The following AP1S2 variants were observed in gnomAD, a reference collection of about 807,000 sequenced individuals.
AP1S2 encodes the protein AP-1 complex subunit sigma-2.
Under a neutral mutation model 14.3 loss-of-function variants are expected in AP1S2, and 1 was observed. The ratio of observed to expected loss-of-function variants is 0.07; its 90% confidence interval spans 0.02 to 0.33. The LOEUF is 0.33. Among genes scored for constraint, AP1S2 ranks in the 10% least tolerant of loss-of-function variants. The pLI is 0.99. For missense variants in AP1S2, 30 were observed against 117.7 expected, an observed-to-expected ratio of 0.25 and a Z score of 3.45; for synonymous variants, 30 against 40.5, an observed-to-expected ratio of 0.74 and a Z score of 0.99.
chrX:15,831,658 A>G lies in AP1S2; in HGVS notation c.427-3458T>C, dbSNP rs754627019. On this transcript the variant is annotated intron_variant, in intron 4 of 5. Transcript: ENST00000672987. ...CTAGAACATTTAGCTCACAGTAAAG[A>G]TAACTAAAACTTAAGTTTCTGTTTG... 21 of 774,113 alleles carry G rather than the reference A, an allele frequency of 2.7e-5. No homozygotes were observed. In the African/African-American group the frequency reaches 3.2e-4, roughly 12 times the overall value. 63.8% of individuals were successfully genotyped at this position (774,113 alleles called of 1,213,427 possible).
intron 2 of AP1S2, among the ~76,000 whole-genome samples, chrX:15,847,492 C>T (rs1003810953): frequency 6.3e-5 from 7 of 111,534 alleles, no homozygotes; most frequent in Admixed American, 2.9e-4. Flanking sequence ...CTTCCACACT[C>T]AGTAAGTTAT....
intron 2 of AP1S2, among the ~76,000 whole-genome samples, chrX:15,846,809 A>C (rs764711579): frequency 1.7e-4 from 19 of 112,048 alleles, no homozygotes; most frequent in Admixed American, 4.7e-4. Context: ...ACACTGTTGA[A>C]CTGAAGTGTA....
intron 2 of AP1S2, among the ~76,000 whole-genome samples, chrX:15,851,830 T>C (rs1934188160): frequency 8.9e-6 from 1 of 112,100 alleles, no homozygotes; most frequent in South Asian, 3.6e-4. Context: ...TACAAACACA[T>C]CTCATGTATA....
At chrX:15,840,774 G>A (rs1933806236) in intron 4 of AP1S2, among the ~76,000 whole-genome samples, 1 of 112,120 alleles carries the variant, frequency 8.9e-6, no homozygotes, top group Admixed American at 9.4e-5. Context: ...AGTATTCCAA[G>A]TATTGCAAAG....
intron 4 of AP1S2, among the ~76,000 whole-genome samples, chrX:15,836,252 C>T (rs1375031805): frequency 8.9e-6 from 1 of 111,961 alleles, no homozygotes; most frequent in East Asian, 2.8e-4. Flanking sequence ...CATAACCAAA[C>T]TAATCCTCCA....
intron 2 of AP1S2, among the ~76,000 whole-genome samples, chrX:15,851,356 C>A (rs989440593): frequency 2.7e-5 from 3 of 112,011 alleles, no homozygotes; most frequent in Non-Finnish European, 5.6e-5. Context: ...ACAAAATATC[C>A]AACCCATATT....
chrX:15,830,580 A>T (rs1933403335), intron 4 of AP1S2: 1 of 649,588 alleles, frequency 1.5e-6, no homozygotes, highest in African/African-American at 2.5e-5. Context: ...TTTATAAAAA[A>T]ATATGCTGCA....
intron 1 of AP1S2, among the ~76,000 whole-genome samples, chrX:15,853,055 T>C (rs931225340): frequency 8.9e-6 from 1 of 112,313 alleles, no homozygotes; most frequent in African/African-American, 3.2e-5. Context: ...CAAAACAGAA[T>C]GATCCAAAAT....
At position 15,846,423 on chromosome X, in the gene AP1S2, G is replaced by C. The variant is rs190283275; in HGVS notation, c.180-412C>G. On this transcript the variant is annotated intron_variant, in intron 2 of 5. Coordinates refer to ENST00000672987, the MANE Select transcript of AP1S2 (RefSeq NM_001272071.2). ...AGGACTTGTTGAGGATAATGCCAAG[G>C]TGAGGTCAATATTTTGGGATATTTT... Among the ~76,000 whole-genome samples, 20 of 111,756 alleles carry C rather than the reference G, an allele frequency of 1.8e-4. No homozygotes were observed. In the South Asian group the frequency reaches 2.2e-3, roughly 12 times the overall value.
In AP1S2 at chrX:15,826,254, A is replaced by G. The variant is rs1347988254; in HGVS notation, c.*1071T>C. 8.9e-6 allele frequency: 1 copy of G among 112,480 alleles called. No homozygotes were observed. The highest frequency in any genetic ancestry group is 3.2e-5 in the African/African-American group (1 of 30,981). The allele number at this position is 112,480 out of a possible 1,213,427, so 9.3% of individuals were successfully genotyped here. On this transcript the variant is annotated 3_prime_UTR_variant, in exon 6 of 6. Transcript: ENST00000672987. The stretch of plus-strand genomic sequence containing the variant: ...TAGAAAAGTGACGCTGAACAATTAC[A>G]TAGCTTTAAAAAATATAGAGCCATC...
intron 4 of AP1S2, among the ~76,000 whole-genome samples, chrX:15,841,455 T>C (rs1933829130): frequency 9.0e-6 from 1 of 111,287 alleles, no homozygotes; most frequent in Non-Finnish European, 1.9e-5. Context: ...AATTGACCAA[T>C]TAGGACTTCT....
At chrX:15,849,725 T>C (rs1280500482) in intron 2 of AP1S2, among the ~76,000 whole-genome samples, 2 of 111,590 alleles carry the variant, frequency 1.8e-5, no homozygotes, top group African/African-American at 6.5e-5. Context: ...ATTCCTGGGA[T>C]TGAATCCCTT....
intron 4 of AP1S2, among the ~76,000 whole-genome samples, chrX:15,834,481 A>ATATATATATATATATATATATATAAT (rs1569080380): frequency 7.7e-5 from 1 of 13,012 alleles, no homozygotes; most frequent in African/African-American, 4.1e-4. Flanking sequence ...TATATATATA[A>ATATATATATATATATATATATATAAT]TTTTTTTTTT....
chrX:15,830,264 A>G lies in AP1S2; in HGVS notation c.427-2064T>C, dbSNP rs1933390252. 4 of 745,925 alleles carry G rather than the reference A, an allele frequency of 5.4e-6. No homozygotes were observed. In the South Asian group the frequency reaches 2.1e-4, roughly 38 times the overall value. 61.5% of individuals were successfully genotyped at this position (745,925 alleles called of 1,213,427 possible). A position where few individuals can be genotyped will look rare whatever the true frequency, so the allele number is the denominator to read the frequency against. ...TAATATATTGTGGGGCAGGAGGAGG[A>G]AAGGAGGGGAAAAAAAAATAGAAAT... On this transcript the variant is annotated intron_variant, in intron 4 of 5. Coordinates refer to ENST00000672987, the MANE Select transcript of AP1S2 (RefSeq NM_001272071.2).
Position 15,830,923 on chromosome X carries a change from C to T in AP1S2, c.427-2723G>A, listed in dbSNP as rs902516689. ...ATGTGATTCAATAAATGTGGCACTA[C>T]AAAATTTCTTAATACTGAATGTTTT... is the stretch of plus-strand genomic sequence containing the variant. On this transcript the variant is annotated intron_variant, in intron 4 of 5. Coordinates refer to ENST00000672987, the MANE Select transcript of AP1S2 (RefSeq NM_001272071.2). 4.8e-6 allele frequency: 3 copies of T among 630,016 alleles called. No individual in the cohort carries two copies. In the African/African-American group the frequency reaches 7.3e-5, roughly 15 times the overall value. The allele number at this position is 630,016 out of a possible 1,213,427, so 51.9% of individuals were successfully genotyped here. A position where few individuals can be genotyped will look rare whatever the true frequency, so the allele number is the denominator to read the frequency against.
intron 4 of AP1S2, chrX:15,831,922 C>A (rs1280389236): frequency 2.7e-6 from 2 of 745,835 alleles, no homozygotes; most frequent in South Asian, 1.4e-4. Flanking sequence ...TCCCCTTCCA[C>A]CAGTATTTAA....
rs1458387921 is a variant in AP1S2, at chrX:15,845,802, C to T, written c.288+101G>A. 12 of 772,934 alleles carry T rather than the reference C, an allele frequency of 1.6e-5. No individual in the cohort carries two copies. The East Asian group carries it at 2.5e-4, about 16-fold the overall frequency. The allele number at this position is 772,934 out of a possible 1,213,427, so 63.7% of individuals were successfully genotyped here. On this transcript the variant is annotated intron_variant, in intron 3 of 5. Coordinates refer to ENST00000672987, the MANE Select transcript of AP1S2 (RefSeq NM_001272071.2). ...ATAAATAGTCATTCCCACCCTCTCCCGCGGTTAGAATCCCCAAGACAACCA... is the reference window on the plus strand; with the variant it reads ...ATAAATAGTCATTCCCACCCTCTCCTGCGGTTAGAATCCCCAAGACAACCA...
chrX:15,843,380 A>C (rs902640481), intron 4 of AP1S2, among the ~76,000 whole-genome samples: 11 of 110,673 alleles, frequency 9.9e-5, no homozygotes, highest in African/African-American at 3.6e-4. Context: ...ACATGGTGAA[A>C]CCCTGTCTCT....
chrX:15,833,037 T>C, intron 4 of AP1S2: 2 of 1,096,631 alleles, frequency 1.8e-6, no homozygotes, highest in South Asian at 2.6e-5. Flanking sequence ...AGTTTAAGTC[T>C]GTCAAATAAC....
Sources: allele counts gnomAD v4.1 joint callset (sites outside exome capture counted in the v4.1 genomes callset), GRCh38; gene constraint gnomAD v4.1.1; transcripts MANE v1.5; gene names NCBI Gene and HGNC (gene_info 2026-07-23, HGNC 2026-07-21).